PCBP3: variants seen among roughly 807,000 people sequenced by gnomAD.
The protein encoded by PCBP3 is poly(rC)-binding protein 3.
PCBP3 carries 25 observed loss-of-function variants against 52.7 expected under a neutral mutation model. The observed-to-expected ratio is 0.47, with a 90% CI of 0.35 to 0.66. The LOEUF is 0.66. Among genes scored for constraint, PCBP3 ranks in the 30% least tolerant of loss-of-function variants. The probability of loss-of-function intolerance (pLI) is 0.01; values close to 1 mark genes in which losing one functional copy is unlikely to be tolerated. For synonymous variants in PCBP3, 162 were observed against 183.0 expected (o/e 0.89, Z 0.93); for missense variants, 391 against 490.3 (o/e 0.80, Z 1.91).
intron 5 of PCBP3, among the ~76,000 whole-genome samples, chr21:45,868,912 C>G (rs897202798): frequency 2.0e-5 from 3 of 152,220 alleles, no homozygotes; most frequent in African/African-American, 7.2e-5. Flanking sequence ...CTTTCAGATC[C>G]TGCCACAGCA....
chr21:45,717,048 T>C (rs760051468), intron 2 of PCBP3, among the ~76,000 whole-genome samples: 2 of 152,164 alleles, frequency 1.3e-5, no homozygotes, highest in Non-Finnish European at 2.9e-5. Context: ...TAGTTTTTGG[T>C]GTATAAGTCT....
chr21:45,809,602 A>G (rs184712410), intron 4 of PCBP3, among the ~76,000 whole-genome samples: 1 of 151,942 alleles, frequency 6.6e-6, no homozygotes, highest in African/African-American at 2.4e-5. Flanking sequence ...GCAGGGCTTG[A>G]CTCTCCTAAA....
chr21:45,764,534 C>CG (rs2089097993), intron 4 of PCBP3, among the ~76,000 whole-genome samples: 4 of 152,162 alleles, frequency 2.6e-5, no homozygotes, highest in Non-Finnish European at 4.4e-5. Flanking sequence ...TATTTCTGAC[C>CG]ACTTCCGTTA....
intron 4 of PCBP3, among the ~76,000 whole-genome samples, chr21:45,764,108 CTTTTTTTTTTCT>C (rs956328948): frequency 6.4e-5 from 7 of 109,222 alleles, no homozygotes; most frequent in African/African-American, 1.7e-4. Context: ...GTTTCTCATT[CTTTTTTTTTTCT>C]TTTTTTTTTT....
At chr21:45,857,877 G>A (rs1038500876) in intron 5 of PCBP3, among the ~76,000 whole-genome samples, 92 of 152,348 alleles carry the variant, frequency 6.0e-4, no homozygotes, top group African/African-American at 2.1e-3. Context: ...ATGGGATGGG[G>A]AAACAGGGCT....
chr21:45,763,031 C>T (rs2088869681), intron 4 of PCBP3: 1 of 152,200 alleles, frequency 6.6e-6, no homozygotes, highest in Admixed American at 6.5e-5. Context: ...AGTAAGTATC[C>T]ACATCTTCCT....
chr21:45,816,022 G>A (rs2092935570), intron 4 of PCBP3, among the ~76,000 whole-genome samples: 1 of 134,268 alleles, frequency 7.4e-6, no homozygotes, highest in Non-Finnish European at 1.6e-5. Flanking sequence ...GTGGTGAGTA[G>A]TGAGTGGTGA....
At chr21:45,870,383 A>C (rs2094951993) in intron 5 of PCBP3, among the ~76,000 whole-genome samples, 1 of 152,202 alleles carries the variant, frequency 6.6e-6, no homozygotes, top group Non-Finnish European at 1.5e-5. Context: ...CTATCATCTT[A>C]CCTGTGATGA....
chr21:45,810,406 C>G (rs1229857222), intron 4 of PCBP3, among the ~76,000 whole-genome samples: 3 of 151,494 alleles, frequency 2.0e-5, no homozygotes, highest in Admixed American at 6.6e-5. Flanking sequence ...ACAGGGAGTA[C>G]AGTACACCAT....
At chr21:45,723,529 G>C (rs2084814160) in intron 2 of PCBP3, among the ~76,000 whole-genome samples, 1 of 152,250 alleles carries the variant, frequency 6.6e-6, no homozygotes, top group Admixed American at 6.5e-5. Flanking sequence ...ATCATTACAA[G>C]TTGATAGTGA....
At chr21:45,658,605 T>G (rs1259908149) in intron 1 of PCBP3, among the ~76,000 whole-genome samples, 4 of 152,150 alleles carry the variant, frequency 2.6e-5, no homozygotes, top group Admixed American at 6.5e-5. Flanking sequence ...CACCCAGCCT[T>G]GTTAAGGATT....
chr21:45,674,808 C>T (rs912503522), intron 2 of PCBP3, among the ~76,000 whole-genome samples: 1 of 152,102 alleles, frequency 6.6e-6, no homozygotes, highest in African/African-American at 2.4e-5. Context: ...CCGTAGATTC[C>T]CATAGTGGTC....
At chr21:45,835,737 T>C (rs1463551836) in intron 4 of PCBP3, among the ~76,000 whole-genome samples, 1 of 152,120 alleles carries the variant, frequency 6.6e-6, no homozygotes, top group African/African-American at 2.4e-5. Flanking sequence ...GATCAGCTTC[T>C]CCTGAGCCAT....
At chr21:45,936,774 A>G (rs1056392707) in intron 16 of PCBP3, among the ~76,000 whole-genome samples, 1 of 152,234 alleles carries the variant, frequency 6.6e-6, no homozygotes, top group African/African-American at 2.4e-5. Context: ...CTTTAAGAGA[A>G]TGAGACATCT....
intron 5 of PCBP3, among the ~76,000 whole-genome samples, chr21:45,866,566 G>T (rs1415202190): frequency 6.6e-6 from 1 of 152,186 alleles, no homozygotes; most frequent in Non-Finnish European, 1.5e-5. Context: ...CAGGAGAAAT[G>T]AAGGGTCTGT....
At chr21:45,875,169 C>T (rs557463293) in intron 5 of PCBP3, among the ~76,000 whole-genome samples, 81 of 152,174 alleles carry the variant, frequency 5.3e-4, no homozygotes, top group African/African-American at 1.9e-3. Flanking sequence ...TTGCGCGCTC[C>T]GGCTGACTCA....
intron 5 of PCBP3, among the ~76,000 whole-genome samples, chr21:45,851,530 A>G (rs566329716): frequency 6.6e-6 from 1 of 152,268 alleles, no homozygotes; most frequent in East Asian, 1.9e-4. Flanking sequence ...AAGAAAGTGA[A>G]GGGATGATAC....
At chr21:45,679,858 T>C (rs1028496583) in intron 2 of PCBP3, among the ~76,000 whole-genome samples, 1 of 152,260 alleles carries the variant, frequency 6.6e-6, no homozygotes, top group African/African-American at 2.4e-5. Context: ...CAATTTATTT[T>C]CAGTTAATTT....
At chr21:45,855,476 C>T (rs7280104) in intron 5 of PCBP3, among the ~76,000 whole-genome samples, 39 of 152,274 alleles carry the variant, frequency 2.6e-4, no homozygotes, top group African/African-American at 7.9e-4. Context: ...GGGGGGCATG[C>T]GTGGGAAGGC....
Sources: allele counts gnomAD v4.1 joint callset (sites outside exome capture counted in the v4.1 genomes callset), GRCh38; gene constraint gnomAD v4.1.1; transcripts MANE v1.5; gene names NCBI Gene and HGNC (gene_info 2026-07-23, HGNC 2026-07-21).